CDK12: variants seen among roughly 807,000 people sequenced by gnomAD.
CDK12 encodes cyclin dependent kinase 12, also known as cyclin-dependent kinase 12.
CDK12 carries 17 observed loss-of-function variants against 133.8 expected under a neutral mutation model. The observed-to-expected ratio is 0.13, with a 90% CI of 0.09 to 0.19. The LOEUF is 0.19. Among genes scored for constraint, CDK12 ranks in the 10% least tolerant of loss-of-function variants. The pLI, the probability that CDK12 is intolerant of heterozygous loss-of-function variation, is 1.00. For synonymous variants in CDK12, 694 were observed against 683.6 expected (o/e 1.02, Z -0.24); for missense variants, 1,508 against 1,818.7 (o/e 0.83, Z 3.11).
chr17:39,528,794 T>G (rs192835464), intron 13 of CDK12, among the ~76,000 whole-genome samples: 38 of 152,370 alleles, frequency 2.5e-4, no homozygotes, highest in African/African-American at 9.1e-4. Flanking sequence ...ATTATCTCAC[T>G]TTTACAGTTA....
chr17:39,481,766 G>C (rs139286416), intron 2 of CDK12, among the ~76,000 whole-genome samples: 2 of 149,646 alleles, frequency 1.3e-5, no homozygotes, highest in Admixed American at 6.8e-5. Flanking sequence ...TGTTGCCCAG[G>C]CTGGACTGCG....
Position 39,469,267 on chromosome 17 carries a change from C to T in CDK12, c.1047-1612C>T, listed in dbSNP as rs148548630. On this transcript the variant is annotated intron_variant, in intron 1 of 13. Coordinates refer to ENST00000447079, the MANE Select transcript of CDK12 (RefSeq NM_016507.4). ...CCCAGATTTTATTTCCAAAGCCTTT[C>T]TTAAGAAGACAATTAATTAAACATG... Among the ~76,000 whole-genome samples the T allele has an allele frequency of 5.3e-3, 806 of 152,200 alleles. 2 individuals are homozygous for T. Among genetic ancestry groups the T allele is most frequent in the Non-Finnish European group, 7.5e-3 (508 of 67,992 alleles).
At chr17:39,556,032 TCAAA>T (rs2056150844) in intron 2 of CDK12, among the ~76,000 whole-genome samples, 1 of 124,676 alleles carries the variant, frequency 8.0e-6, no homozygotes. Context: ...AGACCCTGTC[TCAAA>T]AAAAAAAAAA....
At chr17:39,510,142 C>T (rs965544096) in intron 7 of CDK12, among the ~76,000 whole-genome samples, 41 of 124,042 alleles carry the variant, frequency 3.3e-4, no homozygotes, top group African/African-American at 1.3e-3. Context: ...TTTTTGAAGA[C>T]GGAGTCTCAA....
intron 5 of CDK12, among the ~76,000 whole-genome samples, chr17:39,500,642 G>C (rs1398913708): frequency 6.6e-6 from 1 of 152,030 alleles, no homozygotes; most frequent in African/African-American, 2.4e-5. Context: ...TTAAAAAAAA[G>C]CCTAGTAATG....
intron 1 of CDK12, among the ~76,000 whole-genome samples, chr17:39,468,250 G>C (rs2049501400): frequency 6.6e-6 from 1 of 152,236 alleles, no homozygotes; most frequent in East Asian, 1.9e-4. Context: ...GCAAGAAGCA[G>C]TATAGGTAAA....
intron 2 of CDK12, 43 bp downstream of exon 2, chr17:39,471,806 C>G (rs112151590): frequency 6.0e-6 from 9 of 1,495,160 alleles, no homozygotes; most frequent in Non-Finnish European, 8.2e-6. Context: ...TTGATCTAAA[C>G]ATAAAGCATT....
At chr17:39,542,329 T>C (rs1567806357) in intron 1 of CDK12, among the ~76,000 whole-genome samples, 1 of 150,884 alleles carries the variant, frequency 6.6e-6, no homozygotes, top group Non-Finnish European at 1.5e-5. Context: ...TAATGGCTAA[T>C]TTTTTTGTAT....
intron 2 of CDK12, among the ~76,000 whole-genome samples, chr17:39,481,665 TC>T (rs2050694573): frequency 1.4e-4 from 2 of 13,854 alleles, no homozygotes; most frequent in Admixed American, 7.2e-4. Flanking sequence ...TCTCTCTCTC[TC>T]TCTCTCTCTC....
intron 2 of CDK12, among the ~76,000 whole-genome samples, chr17:39,480,055 C>G (rs1453820074): frequency 2.6e-5 from 4 of 151,366 alleles, no homozygotes; most frequent in Non-Finnish European, 5.9e-5. Context: ...GCCTGAGTAG[C>G]TGGGATTATA....
chr17:39,509,633 C>A, intron 6 of CDK12, 72 bp from the exon 7 acceptor site: 1 of 957,470 alleles, frequency 1.0e-6, no homozygotes, highest in Non-Finnish European at 1.7e-6. Flanking sequence ...CCTAACTTGG[C>A]GCATGACTTT....
At position 39,480,442 on chromosome 17, in the gene CDK12, T is replaced by TTTTG. The variant is rs1567703007; in HGVS notation, c.1931+8682_1931+8683insGTTT. 4.6e-5 allele frequency among the ~76,000 whole-genome samples: 7 copies of TTTTG among 151,524 alleles called. No individual in the cohort carries two copies. The South Asian group carries it at 1.0e-3, about 23-fold the overall frequency. On this transcript the variant is annotated intron_variant, in intron 2 of 13. Transcript: ENST00000447079. ...GTACCACCATGCCCAGCTAGTTTTT[T>TTTTG]TTTTGTTTTGTTTTGTTTTTTTGAG...
chr17:39,473,465 G>T (rs1288041914), intron 2 of CDK12, among the ~76,000 whole-genome samples: 1 of 152,030 alleles, frequency 6.6e-6, no homozygotes, highest in African/African-American at 2.4e-5. Context: ...TTTAAGGCTG[G>T]GCTTGGTGGC....
chr17:39,492,297 C>CT (rs2051687531), intron 3 of CDK12, among the ~76,000 whole-genome samples: 1 of 150,102 alleles, frequency 6.7e-6, no homozygotes, highest in African/African-American at 2.4e-5. Flanking sequence ...GGGGTTTCAC[C>CT]GTGTTAGCCA....
chr17:39,466,404 C>T (rs539469784), intron 1 of CDK12, among the ~76,000 whole-genome samples: 251 of 150,740 alleles, frequency 1.7e-3, no homozygotes, highest in Non-Finnish European at 2.9e-3. Flanking sequence ...CACCTGAGGT[C>T]GGGAGTTCGA....
intron 2 of CDK12, among the ~76,000 whole-genome samples, chr17:39,473,357 G>A (rs531898543): frequency 1.3e-3 from 203 of 152,298 alleles, no homozygotes; most frequent in African/African-American, 4.8e-3. Context: ...GGGATGATGG[G>A]AAGAGCTTTA....
At chr17:39,543,981 C>T (rs1360387683), upstream of CDK12, 1 of 241,810 alleles carries the variant, frequency 4.1e-6, no homozygotes, top group Non-Finnish European at 8.6e-6. Context: ...AATTCCCTAA[C>T]TTTAAGAACC....
In CDK12 at chr17:39,534,477, AT is replaced by A. The variant is rs2055042519; in HGVS notation, c.*3168del. ...GTACAGATATTTTGTAATATATTAA[AT>A]TTTTTTCTTTCAGTTTATAAAAATG... On this transcript the variant is annotated 3_prime_UTR_variant, in exon 14 of 14. Coordinates refer to ENST00000447079, the MANE Select transcript of CDK12 (RefSeq NM_016507.4). 4.3e-6 allele frequency: 1 copy of A among 232,320 alleles called. No individual in the cohort carries two copies. Among genetic ancestry groups the A allele is most frequent in the Non-Finnish European group, 8.5e-6 (1 of 117,566 alleles). The allele number at this position is 232,320 out of a possible 1,614,324, so 14.4% of individuals were successfully genotyped here.
intron 3 of CDK12, among the ~76,000 whole-genome samples, chr17:39,560,980 C>T (rs1032113589): frequency 9.2e-5 from 14 of 152,144 alleles, no homozygotes; most frequent in African/African-American, 2.4e-4. Flanking sequence ...TGCCGCTGCA[C>T]TCCAGCCTGG....
Sources: gnomAD v4.1 joint callset for allele counts (sites outside exome capture counted in the v4.1 genomes callset) on GRCh38, gnomAD v4.1.1 for gene constraint, MANE v1.5 for transcripts, NCBI Gene and HGNC (gene_info 2026-07-23, HGNC 2026-07-21) for gene names.